FNIP1: variants seen among roughly 807,000 people sequenced by gnomAD.
FNIP1 encodes the protein folliculin-interacting protein 1.
FNIP1 carries 40 observed loss-of-function variants against 124.5 expected under a neutral mutation model. The ratio of observed to expected loss-of-function variants is 0.32; its 90% CI spans 0.25 to 0.42. FNIP1 has a LOEUF of 0.42. Ranked by LOEUF, FNIP1 falls within the 10% of genes least tolerant of loss-of-function variation. The pLI is 1.00. For synonymous variants in FNIP1, 472 were observed against 470.6 expected, an observed-to-expected ratio of 1.00 and a Z score of -0.04; for missense variants, 1,176 against 1,403.7, an observed-to-expected ratio of 0.84 and a Z score of 2.59.
intron 1 of FNIP1, among the ~76,000 whole-genome samples, chr5:131,757,783 G>T (rs897969120): frequency 2.6e-5 from 4 of 152,104 alleles, no homozygotes; most frequent in Non-Finnish European, 4.4e-5. Context: ...TCATAGAGGG[G>T]CTTATATTTT....
chr5:131,786,197 G>A (rs1438996173), intron 1 of FNIP1, among the ~76,000 whole-genome samples: 1 of 152,160 alleles, frequency 6.6e-6, no homozygotes, highest in Non-Finnish European at 1.5e-5. Flanking sequence ...TCAGTTCAGT[G>A]ACTATTTTTA....
intron 11 of FNIP1, among the ~76,000 whole-genome samples, chr5:131,697,749 T>G (rs1167949057): frequency 1.3e-5 from 2 of 151,608 alleles, no homozygotes; most frequent in East Asian, 3.9e-4. Context: ...GCGGATCATT[T>G]GAGGTCAGGA....
At chr5:131,735,828 T>A (rs1008974071) in intron 2 of FNIP1, among the ~76,000 whole-genome samples, 4 of 151,652 alleles carry the variant, frequency 2.6e-5, no homozygotes, top group East Asian at 1.9e-4. Flanking sequence ...TGTGTGTGTG[T>A]GTATTTTATA....
intron 1 of FNIP1, among the ~76,000 whole-genome samples, chr5:131,772,301 A>G (rs1353127176): frequency 6.6e-6 from 1 of 152,078 alleles, no homozygotes; most frequent in Non-Finnish European, 1.5e-5. Flanking sequence ...GTAATATTCT[A>G]TATCTCAACT....
chr5:131,778,121 G>A (rs2149582097), intron 1 of FNIP1, among the ~76,000 whole-genome samples: 1 of 152,020 alleles, frequency 6.6e-6, no homozygotes, highest in East Asian at 1.9e-4. Flanking sequence ...CACTTTGGGG[G>A]GCCCAGGCTG....
At chr5:131,724,211 T>C (rs1191516904) in intron 3 of FNIP1, among the ~76,000 whole-genome samples, 1 of 152,228 alleles carries the variant, frequency 6.6e-6, no homozygotes, top group Non-Finnish European at 1.5e-5. Context: ...TTATAATCCT[T>C]TGGGTACATA....
chr5:131,709,251 A>G lies in FNIP1; in HGVS notation c.728T>C (p.Met243Thr), dbSNP rs1226025815. The G allele has an allele frequency of 6.2e-7, 1 of 1,613,974 alleles. No individual in the cohort carries two copies. The highest frequency in any genetic ancestry group is 8.5e-7 in the Non-Finnish European group (1 of 1,179,950). ...GTCCTCATTGAGCTCTCTTCCAGGC[A>G]TGTCCATTGGGTTGCTGTGAACTAT... The part of the protein sequence containing the change: ...FFAVHSNPMD[M>T]PGRELNEDRD... The change falls in exon 8 of 18, where the codon ATG becomes ACG. Residue 243 changes from methionine to threonine, a missense_variant. This residue lies in a region of FNIP1 where 1,109 missense variants were observed against 1,288.5 expected (regional missense o/e 0.86). Transcript: ENST00000510461.
intron 1 of FNIP1, among the ~76,000 whole-genome samples, chr5:131,785,559 A>C (rs1410368844): frequency 6.6e-6 from 1 of 152,110 alleles, no homozygotes; most frequent in African/African-American, 2.4e-5. Context: ...TCAAAAAAAA[A>C]ACAAAAAACA....
intron 11 of FNIP1, among the ~76,000 whole-genome samples, chr5:131,697,678 A>G (rs1157338524): frequency 6.6e-6 from 1 of 151,924 alleles, no homozygotes; most frequent in Non-Finnish European, 1.5e-5. Context: ...GGTTATGTTT[A>G]CCATAGGCCA....
intron 16 of FNIP1, 27 bp downstream of exon 16, chr5:131,651,775 A>G (rs779608274): frequency 1.2e-6 from 2 of 1,605,100 alleles, no homozygotes; most frequent in Non-Finnish European, 1.7e-6. Flanking sequence ...TGCTTAAAGT[A>G]ATGCAAGCAG....
At position 131,672,688 on chromosome 5, in the gene FNIP1, C is replaced by G. The variant is rs1171718597; in HGVS notation, c.1756G>C (p.Val586Leu). 1.9e-6 allele frequency: 3 copies of G among 1,613,998 alleles called. No individual in the cohort carries two copies. In the African/African-American group the frequency reaches 4.0e-5, roughly 22 times the overall value. The change falls in exon 14 of 18, where the codon GTC (valine) becomes CTC (leucine). Residue 586 changes from valine (V) to leucine (L), a missense_variant. Val to Leu is a conservative substitution (Grantham distance 32, BLOSUM62 1). Transcript: ENST00000510461. ...GEIEESEYVL[V>L]TMHRNKSSLL... ...CTGCTTTTGTTTCTATGCATTGTGA[C>G]AAGGACATACTCTGATTCTTCTATT...
chr5:131,718,596 T>A (rs1402027665), intron 5 of FNIP1, among the ~76,000 whole-genome samples: 4 of 152,226 alleles, frequency 2.6e-5, no homozygotes, highest in Non-Finnish European at 5.9e-5. Flanking sequence ...ATGTGCAATA[T>A]CAGTATGGCT....
At chr5:131,788,560 G>A (rs1347917345) in intron 1 of FNIP1, among the ~76,000 whole-genome samples, 3 of 151,644 alleles carry the variant, frequency 2.0e-5, no homozygotes, top group African/African-American at 7.3e-5. Context: ...AAATTTTTGG[G>A]CGTGGTGGCA....
chr5:131,704,451 G>C (rs1158563775), intron 9 of FNIP1, among the ~76,000 whole-genome samples, 185 bp from the exon 10 acceptor site: 1 of 152,048 alleles, frequency 6.6e-6, no homozygotes, highest in Non-Finnish European at 1.5e-5. Flanking sequence ...TCATGTTCTT[G>C]TAAGAAATTT....
At chr5:131,671,410 A>T (rs1580741856) in intron 14 of FNIP1, 95 bp downstream of exon 14, 1 of 1,018,460 alleles carries the variant, frequency 9.8e-7, no homozygotes, top group East Asian at 2.4e-5. Context: ...ATCCAGAACA[A>T]TGATCTCTTT....
At chr5:131,781,301 A>G (rs1771989198) in intron 1 of FNIP1, among the ~76,000 whole-genome samples, 1 of 152,268 alleles carries the variant, frequency 6.6e-6, no homozygotes, top group South Asian at 2.1e-4. Context: ...TCTAGCGAAG[A>G]TAACTGATGA....
chr5:131,676,448 C>T (rs943067270), intron 13 of FNIP1, among the ~76,000 whole-genome samples: 1 of 151,952 alleles, frequency 6.6e-6, no homozygotes, highest in Non-Finnish European at 1.5e-5. Flanking sequence ...TGCACCTAGC[C>T]CAAACTGTGT....
chr5:131,723,112 C>T (rs1278858886), intron 3 of FNIP1, among the ~76,000 whole-genome samples: 1 of 152,114 alleles, frequency 6.6e-6, no homozygotes, highest in African/African-American at 2.4e-5. Flanking sequence ...GGCTTGGGTA[C>T]TGAGAACAAC....
At chr5:131,650,573 A>C (rs1241165841) in intron 16 of FNIP1, among the ~76,000 whole-genome samples, 1 of 152,144 alleles carries the variant, frequency 6.6e-6, no homozygotes, top group Non-Finnish European at 1.5e-5. Context: ...AACAGAGATA[A>C]TTTTATTTCC....
Sources: allele counts gnomAD v4.1 joint callset (sites outside exome capture counted in the v4.1 genomes callset), GRCh38; gene constraint gnomAD v4.1.1; regional missense constraint gnomAD v4.1.1; transcripts MANE v1.5; gene names NCBI Gene and HGNC (gene_info 2026-07-23, HGNC 2026-07-21).